Variants in KIAA0825 observed in about 807,000 individuals in gnomAD.
The protein encoded by KIAA0825 is uncharacterized protein KIAA0825.
KIAA0825 carries 119 observed loss-of-function variants against 147.6 expected under a neutral mutation model. That is an observed-to-expected ratio of 0.81 (90% CI 0.69 to 0.94). The LOEUF (loss-of-function observed/expected upper bound fraction) is 0.94, where lower values mean the gene tolerates loss of function less well. Among genes scored for constraint, KIAA0825 ranks in the 40% least tolerant of loss-of-function variants. KIAA0825 has a pLI of 0.00. For synonymous variants in KIAA0825, 470 were observed against 518.1 expected, an observed-to-expected ratio of 0.91 and a Z score of 1.26; for missense variants, 1,381 against 1,472.7, an observed-to-expected ratio of 0.94 and a Z score of 1.02.
intron 20 of KIAA0825, among the ~76,000 whole-genome samples, chr5:94,224,415 C>G (rs536960236): frequency 1.2e-4 from 18 of 151,496 alleles, no homozygotes; most frequent in Admixed American, 3.9e-4. Context: ...CATTTCTTGC[C>G]ATGACATTAA....
At chr5:94,417,014 A>G in intron 15 of KIAA0825, 187 bp downstream of exon 15, 1 of 508,008 alleles carries the variant, frequency 2.0e-6, no homozygotes, top group Non-Finnish European at 3.5e-6. Flanking sequence ...CCCAAAGTAT[A>G]TGAAATTTTA....
At chr5:94,325,406 TG>T (rs1373890244) in intron 20 of KIAA0825, among the ~76,000 whole-genome samples, 2 of 151,880 alleles carry the variant, frequency 1.3e-5, no homozygotes, top group African/African-American at 4.8e-5. Flanking sequence ...TGAAAATAAA[TG>T]TACATTTGCA....
chr5:94,284,142 G>A (rs1387375393), intron 20 of KIAA0825, among the ~76,000 whole-genome samples: 1 of 152,128 alleles, frequency 6.6e-6, no homozygotes, highest in African/African-American at 2.4e-5. Context: ...CCTAACTAAT[G>A]ATGTTAATGC....
intron 20 of KIAA0825, among the ~76,000 whole-genome samples, chr5:94,238,782 T>C (rs928271404): frequency 6.6e-6 from 1 of 152,092 alleles, no homozygotes; most frequent in Non-Finnish European, 1.5e-5. Context: ...CCCCATTTCT[T>C]TCTTTTTTCC....
At chr5:94,452,020 A>G (rs1758480130) in intron 13 of KIAA0825, among the ~76,000 whole-genome samples, 1 of 152,222 alleles carries the variant, frequency 6.6e-6, no homozygotes, top group African/African-American at 2.4e-5. Flanking sequence ...ATGACAGAGC[A>G]TTGAGACTAT....
chr5:94,246,552 G>A (rs1184887837), intron 20 of KIAA0825, among the ~76,000 whole-genome samples: 1 of 152,078 alleles, frequency 6.6e-6, no homozygotes, highest in Non-Finnish European at 1.5e-5. Flanking sequence ...GGTGAAAACT[G>A]TTACATATGC....
At position 94,384,399 on chromosome 5, in the gene KIAA0825, T is replaced by C. The variant is rs1248823737; in HGVS notation, c.3679A>G (p.Lys1227Glu). ...TTGAGCAGCACACTGAAGGTCATCT[T>C]ATCCAGTCTCAGATAATTTGGCAGC... ...KLLPNYLRLD[K>E]MTFSVLLKNR... Residue 1227 changes from lysine (K) to glutamate (E), a missense_variant, in exon 20 of 21, where the codon AAG becomes GAG. Coordinates refer to ENST00000682413, the MANE Select transcript of KIAA0825 (RefSeq NM_001145678.3). 8.4e-6 allele frequency: 13 copies of C among 1,551,962 alleles called. No homozygotes were observed. The highest frequency in any genetic ancestry group is 3.3e-4 in the Middle Eastern group (2 of 5,996).
intron 1 of KIAA0825, among the ~76,000 whole-genome samples, chr5:94,601,738 T>TA (rs1365180743): frequency 6.6e-6 from 1 of 152,080 alleles, no homozygotes; most frequent in African/African-American, 2.4e-5. Flanking sequence ...AACAATTTCA[T>TA]AATGCAATCA....
At chr5:94,613,758 A>G (rs2152445933) in intron 1 of KIAA0825, among the ~76,000 whole-genome samples, 1 of 152,322 alleles carries the variant, frequency 6.6e-6, no homozygotes, top group African/African-American at 2.4e-5. Context: ...AGAGTTATGG[A>G]TCCTCCAGAA....
chr5:94,357,473 C>A (rs1043014646), intron 20 of KIAA0825, among the ~76,000 whole-genome samples: 3 of 152,154 alleles, frequency 2.0e-5, no homozygotes, highest in Non-Finnish European at 4.4e-5. Context: ...AAATAAACAA[C>A]ATTTTATAGA....
intron 16 of KIAA0825, among the ~76,000 whole-genome samples, chr5:94,401,841 G>A (rs549077703): frequency 3.3e-5 from 5 of 152,110 alleles, no homozygotes; most frequent in Non-Finnish European, 5.9e-5. Flanking sequence ...CTCTCACTTA[G>A]TAAATTTCTA....
chr5:94,590,329 T>C (rs1295202902), intron 1 of KIAA0825, among the ~76,000 whole-genome samples: 1 of 152,208 alleles, frequency 6.6e-6, no homozygotes, highest in African/African-American at 2.4e-5. Context: ...TTTGTCCTCA[T>C]ATTGCCTGTC....
intron 20 of KIAA0825, among the ~76,000 whole-genome samples, chr5:94,198,663 C>A (rs1280383244): frequency 6.6e-6 from 1 of 152,002 alleles, no homozygotes; most frequent in Non-Finnish European, 1.5e-5. Context: ...GGCTTAAAAC[C>A]TAGATGATGG....
intron 20 of KIAA0825, among the ~76,000 whole-genome samples, chr5:94,169,220 G>A (rs149384380): frequency 9.7e-4 from 148 of 152,172 alleles, no homozygotes; most frequent in Non-Finnish European, 1.7e-3. Context: ...CAGTAATATT[G>A]TGTTTAGAAA....
chr5:94,537,073 T>C lies in KIAA0825; in HGVS notation c.54A>G (p.Leu18=). ...SHNSFDLHCL[L]NSFPGDLEFE... is the part of the protein sequence containing the mutation. ...ACTCCAAGTCTCCAGGAAATGAGTT[T>C]AACAAACAATGTAGGTCAAAAGAAT... is the stretch of plus-strand genomic sequence containing the variant. The change falls in exon 3 of 21, where the codon TTA becomes TTG. Residue 18 remains leucine, a synonymous_variant. Transcript: ENST00000682413. 1.9e-6 allele frequency: 3 copies of C among 1,610,466 alleles called. No homozygotes were observed. Among genetic ancestry groups the C allele is most frequent in the Non-Finnish European group, 2.5e-6 (3 of 1,176,928 alleles).
chr5:94,547,442 A>T (rs1774629388), intron 2 of KIAA0825, among the ~76,000 whole-genome samples: 1 of 152,002 alleles, frequency 6.6e-6, no homozygotes, highest in East Asian at 1.9e-4. Context: ...TCATAGATTA[A>T]AAAAAAAGAA....
intron 14 of KIAA0825, among the ~76,000 whole-genome samples, chr5:94,437,332 T>C (rs1296642132): frequency 6.6e-6 from 1 of 152,202 alleles, no homozygotes; most frequent in African/African-American, 2.4e-5. Context: ...AGTAGGTCAA[T>C]CAATTGATCA....
chr5:94,471,155 C>T (rs962146059), intron 9 of KIAA0825, among the ~76,000 whole-genome samples: 1 of 152,098 alleles, frequency 6.6e-6, no homozygotes, highest in Non-Finnish European at 1.5e-5. Flanking sequence ...CCTTACAAAA[C>T]GAAAGGGTGT....
intron 6 of KIAA0825, 106 bp downstream of exon 6, chr5:94,484,663 T>G (rs1762842391): frequency 4.3e-6 from 3 of 697,404 alleles, no homozygotes; most frequent in Non-Finnish European, 6.7e-6. Flanking sequence ...TTTAAAGAAT[T>G]CTTTCATGTG....
Sources: allele counts gnomAD v4.1 joint callset (sites outside exome capture counted in the v4.1 genomes callset), GRCh38; gene constraint gnomAD v4.1.1; transcripts MANE v1.5; gene names NCBI Gene and HGNC (gene_info 2026-07-23, HGNC 2026-07-21).